The following MPRIP variants were observed in gnomAD, a reference collection of about 807,000 sequenced individuals.
MPRIP encodes myosin phosphatase Rho interacting protein.
MPRIP carries 59 observed loss-of-function variants against 234.9 expected under a neutral mutation model. That is an observed-to-expected ratio of 0.25 (90% CI 0.20 to 0.31). The LOEUF (loss-of-function observed/expected upper bound fraction) is 0.31. Ranked by LOEUF, MPRIP falls within the 10% of genes least tolerant of loss-of-function variation. The pLI is 1.00. For missense variants in MPRIP, 2,436 were observed against 3,071.0 expected (o/e 0.79, Z 4.89); for synonymous variants, 1,144 against 1,263.9 (o/e 0.91, Z 2.01).
At chr17:17,107,520 G>A (rs1279122957) in intron 3 of MPRIP, among the ~76,000 whole-genome samples, 1 of 152,214 alleles carries the variant, frequency 6.6e-6, no homozygotes, top group Non-Finnish European at 1.5e-5. Context: ...TTGGTGCAGG[G>A]AGACACCTGC....
intron 3 of MPRIP, among the ~76,000 whole-genome samples, chr17:17,122,354 T>G (rs906124304): frequency 1.4e-4 from 21 of 152,268 alleles, no homozygotes; most frequent in African/African-American, 5.1e-4. Context: ...TTTATTTGTT[T>G]TGTTTTGTTT....
chr17:17,060,751 AT>A (rs1260715383), intron 1 of MPRIP, among the ~76,000 whole-genome samples: 1 of 152,126 alleles, frequency 6.6e-6, no homozygotes, highest in Admixed American at 6.5e-5. Context: ...CTGGGTCCTG[AT>A]GATGTTGAAA....
At chr17:17,172,080 A>G (rs895202858) in intron 17 of MPRIP, among the ~76,000 whole-genome samples, 1 of 152,232 alleles carries the variant, frequency 6.6e-6, no homozygotes. Context: ...TCGACCCCTG[A>G]CAGCCCCGTC....
intron 3 of MPRIP, among the ~76,000 whole-genome samples, chr17:17,079,263 G>T (rs767556494): frequency 1.7e-4 from 26 of 152,290 alleles, no homozygotes; most frequent in African/African-American, 3.4e-4. Flanking sequence ...TACTTAAAAA[G>T]AATTGTCTTC....
intron 5 of MPRIP, among the ~76,000 whole-genome samples, chr17:17,132,069 C>T (rs1193291716): frequency 1.3e-5 from 2 of 152,154 alleles, no homozygotes; most frequent in African/African-American, 2.4e-5. Flanking sequence ...TGCAGGCAGC[C>T]GGATGCAGTA....
At chr17:17,147,547 C>G (rs2045500935) in intron 11 of MPRIP, among the ~76,000 whole-genome samples, 160 bp downstream of exon 11, 1 of 152,160 alleles carries the variant, frequency 6.6e-6, no homozygotes. Context: ...ATGTTGCCCT[C>G]TTGGGTTTCC....
In MPRIP at chr17:17,054,178, T is replaced by G. The variant is rs755295927; in HGVS notation, c.123+11207T>G. Among the ~76,000 whole-genome samples, 133 of 152,320 alleles carry G rather than the reference T, an allele frequency of 8.7e-4. No individual in the cohort carries two copies. The Middle Eastern group carries it at 0.014, about 16-fold the overall frequency. ...GTAAGATCATTATCTATACAAGTTT[T>G]GGTGAGTGATGACAGTGAGTGATGA... On this transcript the variant is annotated intron_variant, in intron 1 of 23. Coordinates refer to ENST00000651222, the MANE Select transcript of MPRIP (RefSeq NM_001364716.4).
At chr17:17,075,666 G>A in intron 1 of MPRIP, 44 bp from the exon 2 acceptor site, 1 of 1,541,960 alleles carries the variant, frequency 6.5e-7, no homozygotes, top group Non-Finnish European at 9.0e-7. Context: ...TCTCTCTTCT[G>A]GGTTGAAGGC....
intron 1 of MPRIP, among the ~76,000 whole-genome samples, chr17:17,072,475 A>G (rs867921203): frequency 1.6e-4 from 25 of 152,344 alleles, no homozygotes; most frequent in African/African-American, 5.5e-4. Context: ...AAGACATGTC[A>G]TAGCAATGTA....
intron 3 of MPRIP, among the ~76,000 whole-genome samples, chr17:17,123,718 A>AG (rs1349025123): frequency 6.6e-6 from 1 of 151,524 alleles, no homozygotes; most frequent in Admixed American, 6.6e-5. Flanking sequence ...AAAAAAAAAA[A>AG]AAAAAAGAAA....
chr17:17,117,682 A>G (rs756105557), intron 3 of MPRIP, among the ~76,000 whole-genome samples: 16 of 152,184 alleles, frequency 1.1e-4, no homozygotes, highest in Non-Finnish European at 2.4e-4. Context: ...TGATTTGTGT[A>G]TATGTTCGAG....
At chr17:17,152,717 G>T (rs2045629835) in intron 12 of MPRIP, among the ~76,000 whole-genome samples, 1 of 152,240 alleles carries the variant, frequency 6.6e-6, no homozygotes, top group South Asian at 2.1e-4. Context: ...AAGGGTGTTA[G>T]AAGATGCCAG....
At chr17:17,146,977 C>T (rs1256479774) in intron 10 of MPRIP, among the ~76,000 whole-genome samples, 1 of 152,218 alleles carries the variant, frequency 6.6e-6, no homozygotes, top group Non-Finnish European at 1.5e-5. Flanking sequence ...TCTGATGGGC[C>T]CAGCCTGTTG....
At chr17:17,094,782 G>A (rs1402282724) in intron 3 of MPRIP, among the ~76,000 whole-genome samples, 1 of 151,608 alleles carries the variant, frequency 6.6e-6, no homozygotes, top group Non-Finnish European at 1.5e-5. Context: ...GGCTAATTTT[G>A]GTATTTTTGG....
chr17:17,145,437 G>C (rs965125138), intron 9 of MPRIP, among the ~76,000 whole-genome samples: 2 of 152,232 alleles, frequency 1.3e-5, no homozygotes, highest in African/African-American at 4.8e-5. Flanking sequence ...TGTCTGGGCG[G>C]CACAGGTGGA....
intron 12 of MPRIP, among the ~76,000 whole-genome samples, chr17:17,152,085 G>C (rs958280655): frequency 2.6e-5 from 4 of 152,244 alleles, no homozygotes; most frequent in Non-Finnish European, 5.9e-5. Context: ...AATCCTGGCC[G>C]CCAGCCCACT....
rs1355655847 is a variant in MPRIP, at chr17:17,164,959, C to T, written c.3368C>T (p.Thr1123Met). 5.4e-6 allele frequency: 7 copies of T among 1,303,386 alleles called. No individual in the cohort carries two copies. The East Asian group carries it at 2.2e-4, about 41-fold the overall frequency. The allele number at this position is 1,303,386 out of a possible 1,614,324, so 80.7% of individuals were successfully genotyped here. ...CAGGAGCTGACAGAGCGCGTGGCCA[C>T]GTCCGACGAGGATGTGGCTGAGCTC... ...RFQELTERVA[T>M]SDEDVAELRE... is the part of the protein sequence containing the mutation. The change falls in exon 16 of 24, where the codon ACG (threonine) becomes ATG (methionine). Residue 1123 changes from threonine (T) to methionine (M), a missense_variant. By Grantham distance (81) the Thr-to-Met change is moderately conservative. This residue lies in a region of MPRIP where 1,998 missense variants were observed against 2,520.3 expected (regional missense o/e 0.79). Transcript: ENST00000651222.
chr17:17,189,213 G>A lies in MPRIP; in HGVS notation c.*4319G>A, dbSNP rs776690967. 6.6e-6 allele frequency: 1 copy of A among 152,328 alleles called. No homozygotes were observed. The highest frequency in any genetic ancestry group is 1.5e-5 in the Non-Finnish European group (1 of 68,188). The allele number at this position is 152,328 out of a possible 1,614,324, so 9.4% of individuals were successfully genotyped here. ...TTTTTTGTTTTTTGTTTTCAAGACA[G>A]AGTCTCGCTCTGTTGTCCAGGCTGG... On this transcript the variant is annotated 3_prime_UTR_variant, in exon 24 of 24. Transcript: ENST00000651222.
intron 1 of MPRIP, among the ~76,000 whole-genome samples, chr17:17,071,048 CT>C (rs1395332284): frequency 6.6e-6 from 1 of 152,222 alleles, no homozygotes; most frequent in Non-Finnish European, 1.5e-5. Context: ...TGACCCTCCT[CT>C]GGGCGCCCTC....
Sources: allele counts gnomAD v4.1 joint callset (sites outside exome capture counted in the v4.1 genomes callset), GRCh38; gene constraint gnomAD v4.1.1; regional missense constraint gnomAD v4.1.1; transcripts MANE v1.5; gene names NCBI Gene and HGNC (gene_info 2026-07-23, HGNC 2026-07-21).